SHROOM4: variants seen among roughly 807,000 people sequenced by gnomAD.
The protein encoded by SHROOM4 is protein Shroom4.
Under a neutral mutation model 80.3 loss-of-function variants are expected in SHROOM4, and 17 were observed. The observed-to-expected ratio is 0.21, with a 90% confidence interval of 0.14 to 0.32. SHROOM4 has a LOEUF of 0.32. Among genes scored for constraint, SHROOM4 ranks in the 10% least tolerant of loss-of-function variants. The pLI is 1.00. For missense variants in SHROOM4, 993 were observed against 1,140.3 expected, an observed-to-expected ratio of 0.87 and a Z score of 1.86; for synonymous variants, 400 against 437.5, an observed-to-expected ratio of 0.91 and a Z score of 1.07.
chrX:50,773,438 T>C (rs1239944653), intron 1 of SHROOM4, among the ~76,000 whole-genome samples: 1 of 112,335 alleles, frequency 8.9e-6, no homozygotes, highest in East Asian at 2.8e-4. Context: ...TTCCCATTTG[T>C]TCATTTCTCT....
At chrX:50,691,741 C>G (rs782127322) in intron 2 of SHROOM4, among the ~76,000 whole-genome samples, 2 of 111,873 alleles carry the variant, frequency 1.8e-5, no homozygotes, top group East Asian at 5.6e-4. Flanking sequence ...ATTGTTTACT[C>G]AAACCAAAGT....
At chrX:50,655,704 G>A (rs1932283289) in intron 2 of SHROOM4, among the ~76,000 whole-genome samples, 1 of 109,080 alleles carries the variant, frequency 9.2e-6, no homozygotes, top group Non-Finnish European at 1.9e-5. Flanking sequence ...CTTGGCTATT[G>A]TGAATAGTAC....
At chrX:50,778,805 A>T (rs1935563913) in intron 1 of SHROOM4, among the ~76,000 whole-genome samples, 1 of 112,186 alleles carries the variant, frequency 8.9e-6, no homozygotes, top group Non-Finnish European at 1.9e-5. Flanking sequence ...TAGTGGTTTT[A>T]ATAAAGGGAA....
chrX:50,634,977 C>G lies in SHROOM4; in HGVS notation c.1096G>C (p.Ala366Pro), dbSNP rs1931273603. 4 of 1,211,980 alleles carry G rather than the reference C, an allele frequency of 3.3e-6. No homozygotes were observed. The highest frequency in any genetic ancestry group is 4.5e-6 in the Non-Finnish European group (4 of 895,545). The change falls in exon 4 of 9, where the codon GCT (alanine) becomes CCT (proline). Residue 366 changes from alanine (A) to proline (P), a missense_variant. Physicochemically the swap from Ala to Pro is conservative, Grantham distance 27. Coordinates refer to ENST00000376020, the MANE Select transcript of SHROOM4 (RefSeq NM_020717.5). ...EHLLMQASTK[A>P]VGSPKACDRA... ...TCACAGGCTTTTGGGGATCCAACAG[C>G]TTTGGTTGAGGCCTGCATCAGTAGA... is the stretch of plus-strand genomic sequence containing the variant.
chrX:50,687,135 G>A (rs1933093165), intron 2 of SHROOM4: 1 of 111,350 alleles, frequency 9.0e-6, no homozygotes, highest in Non-Finnish European at 1.9e-5. Flanking sequence ...GAGCCTCAAG[G>A]TCTTCTTTTT....
At chrX:50,640,152 TAGTAGTACTA>T (rs1931534621) in intron 2 of SHROOM4, among the ~76,000 whole-genome samples, 2 of 112,005 alleles carry the variant, frequency 1.8e-5, no homozygotes, top group South Asian at 7.6e-4. Flanking sequence ...CATCTACCAG[TAGTAGTACTA>T]TGTACCATGG....
At chrX:50,597,000 A>G (rs781923497) in intron 8 of SHROOM4, 36 bp from the exon 9 acceptor site, 1 of 1,196,181 alleles carries the variant, frequency 8.4e-7, no homozygotes, top group Non-Finnish European at 1.1e-6. Context: ...GGCTCTCTCA[A>G]TTACCAGGCA....
chrX:50,664,193 G>A (rs1557260172), intron 2 of SHROOM4, among the ~76,000 whole-genome samples: 1 of 111,668 alleles, frequency 9.0e-6, no homozygotes, highest in Non-Finnish European at 1.9e-5. Context: ...CATGTTTAAA[G>A]ACTTGCCCAG....
chrX:50,575,692 T>C, the SHROOM4 span, among the ~76,000 whole-genome samples: 3 of 112,042 alleles, frequency 2.7e-5, no homozygotes, highest in Non-Finnish European at 3.8e-5. Flanking sequence ...GTTGTAGATA[T>C]ACTGTATTAG....
Position 50,598,284 on chromosome X carries a change from T to G in SHROOM4, c.4194A>C (p.Ser1398=), listed in dbSNP as rs898186061. The change falls in exon 8 of 9, where the codon TCA becomes TCC. Residue 1398 remains serine, a synonymous_variant. Transcript: ENST00000376020. ...ACTCTACCTTCTCCTGGTTGGCCTC[T>G]GAATCGATGCTGTTCAGAGCATTCT... The part of the protein sequence containing the change: ...RVENALNSID[S]EANQEKLVLI... 5.8e-6 allele frequency: 7 copies of G among 1,211,711 alleles called. No homozygotes were observed. Among genetic ancestry groups the G allele is most frequent in the Non-Finnish European group, 6.7e-6 (6 of 895,548 alleles).
intron 1 of SHROOM4, among the ~76,000 whole-genome samples, chrX:50,698,573 C>T (rs1268860534): frequency 9.0e-6 from 1 of 111,117 alleles, no homozygotes; most frequent in Non-Finnish European, 1.9e-5. Context: ...AGGGTATTTA[C>T]TGAGCTGTGC....
At chrX:50,631,750 A>C (rs1304495389) in intron 4 of SHROOM4, among the ~76,000 whole-genome samples, 1 of 112,118 alleles carries the variant, frequency 8.9e-6, no homozygotes, top group Non-Finnish European at 1.9e-5. Context: ...CATTAAGAAA[A>C]TAATACTCTT....
chrX:50,685,892 GAAAT>G (rs1438694139), intron 2 of SHROOM4, among the ~76,000 whole-genome samples: 1 of 112,227 alleles, frequency 8.9e-6, no homozygotes, highest in Non-Finnish European at 1.9e-5. Flanking sequence ...TAAGAAAAGA[GAAAT>G]GAATGAATTC....
At chrX:50,783,806 C>T (rs1421649786) in intron 1 of SHROOM4, among the ~76,000 whole-genome samples, 2 of 111,503 alleles carry the variant, frequency 1.8e-5, no homozygotes, top group African/African-American at 6.5e-5. Context: ...GAACTCCTGA[C>T]CTCAGGTGAT....
intron 2 of SHROOM4, among the ~76,000 whole-genome samples, chrX:50,643,980 G>A (rs1335811895): frequency 8.9e-6 from 1 of 112,712 alleles, no homozygotes; most frequent in Non-Finnish European, 1.9e-5. Context: ...GGTCCTCTGG[G>A]CCCCAGAAAA....
At chrX:50,691,846 G>A (rs1292729247) in intron 2 of SHROOM4, among the ~76,000 whole-genome samples, 2 of 111,454 alleles carry the variant, frequency 1.8e-5, no homozygotes, top group Non-Finnish European at 3.8e-5. Flanking sequence ...TAAAGTTGAC[G>A]AAAAATTTGG....
intron 2 of SHROOM4, among the ~76,000 whole-genome samples, chrX:50,677,285 G>A (rs1932866454): frequency 9.0e-6 from 1 of 111,595 alleles, no homozygotes; most frequent in South Asian, 3.7e-4. Context: ...GGGATGAGCT[G>A]ATAAAAGGCA....
chrX:50,582,572 T>C (rs2147187341), downstream of SHROOM4, among the ~76,000 whole-genome samples: 1 of 111,998 alleles, frequency 8.9e-6, no homozygotes, highest in African/African-American at 3.2e-5. Context: ...AAAGATTCTC[T>C]TAACTTCCAT....
At chrX:50,617,975 T>C (rs1360845533) in intron 5 of SHROOM4, among the ~76,000 whole-genome samples, 1 of 111,606 alleles carries the variant, frequency 9.0e-6, no homozygotes, top group Non-Finnish European at 1.9e-5. Flanking sequence ...TATTACACTG[T>C]GCAAGATGAC....
Sources: gnomAD v4.1 joint callset for allele counts (sites outside exome capture counted in the v4.1 genomes callset) on GRCh38, gnomAD v4.1.1 for gene constraint, MANE v1.5 for transcripts, NCBI Gene and HGNC (gene_info 2026-07-23, HGNC 2026-07-21) for gene names.